RGS20: variants seen among roughly 807,000 people sequenced by gnomAD.
RGS20 encodes gz-selective GTPase-activating protein.
Under a neutral mutation model 33.6 loss-of-function variants are expected in RGS20, and 30 were observed. The observed-to-expected ratio is 0.89, with a 90% confidence interval of 0.67 to 1.21. The LOEUF is 1.21. Among genes scored for constraint, RGS20 ranks in the 50% most tolerant of loss-of-function variants. The pLI is 0.00. For synonymous variants in RGS20, 208 were observed against 197.9 expected (o/e 1.05, Z -0.43); for missense variants, 472 against 502.4 (o/e 0.94, Z 0.58).
At chr8:53,854,365 C>T (rs1811629435) in intron 1 of RGS20, among the ~76,000 whole-genome samples, 1 of 151,872 alleles carries the variant, frequency 6.6e-6, no homozygotes, top group Non-Finnish European at 1.5e-5. Context: ...GAATAATTCT[C>T]AAAACTCAAA....
At chr8:53,941,890 G>A (rs915551511) in intron 3 of RGS20, among the ~76,000 whole-genome samples, 8 of 152,058 alleles carry the variant, frequency 5.3e-5, no homozygotes, top group African/African-American at 1.9e-4. Context: ...GGCAAACCAG[G>A]AAAATTGGTC....
rs1211346756 is a variant in RGS20 at position 53,914,137 on chromosome 8, C to T, written c.511-25439C>T. On this transcript the variant is annotated intron_variant, in intron 2 of 5. Coordinates refer to ENST00000297313, the MANE Select transcript of RGS20 (RefSeq NM_170587.4). ...CCTCAAACTTCTGGGCTAAAGTGAT[C>T]CTCCTGCCTCAGCCTACTGAGTAAC... Among the ~76,000 whole-genome samples, 14 of 150,162 alleles carry T rather than the reference C, an allele frequency of 9.3e-5. No individual in the cohort carries two copies. In the South Asian group the frequency reaches 3.0e-3, roughly 32 times the overall value.
rs116402098 is a variant in RGS20 at position 53,906,107 on chromosome 8, C to T, written c.510+26505C>T. Among the ~76,000 whole-genome samples, 200 of 152,260 alleles carry T rather than the reference C, an allele frequency of 1.3e-3. 1 individual carries two copies. Among genetic ancestry groups the T allele is most frequent in the African/African-American group, 4.8e-3 (198 of 41,564 alleles). ...AACTTTAAGACCAAGTATTTAAGAC[C>T]AGAGGATCCTACAAAAAACTCACTC... On this transcript the variant is annotated intron_variant, in intron 2 of 5. Coordinates refer to ENST00000297313, the MANE Select transcript of RGS20 (RefSeq NM_170587.4).
At chr8:53,873,634 A>T (rs1372978112) in intron 1 of RGS20, among the ~76,000 whole-genome samples, 2 of 152,226 alleles carry the variant, frequency 1.3e-5, no homozygotes, top group African/African-American at 4.8e-5. Flanking sequence ...ACAAATATTA[A>T]TTGAGTAGTT....
At chr8:53,872,024 G>C (rs1812084667) in intron 1 of RGS20, among the ~76,000 whole-genome samples, 1 of 151,786 alleles carries the variant, frequency 6.6e-6, no homozygotes, top group African/African-American at 2.4e-5. Flanking sequence ...TCAAAAATCT[G>C]TCTTTAGCAG....
chr8:53,870,977 G>T (rs899604444), intron 1 of RGS20, among the ~76,000 whole-genome samples: 1 of 151,542 alleles, frequency 6.6e-6, no homozygotes, highest in Admixed American at 6.6e-5. Context: ...CAGGTGTGGC[G>T]GCAGGAGCCT....
chr8:53,879,344 G>A lies in RGS20; in HGVS notation c.252G>A (p.Arg84=), dbSNP rs1458323475. 1 of 1,612,516 alleles carries A rather than the reference G, an allele frequency of 6.2e-7. No individual in the cohort carries two copies. The highest frequency in any genetic ancestry group is 1.7e-5 in the Admixed American group (1 of 59,998). Residue 84 remains arginine, a synonymous_variant, in exon 2 of 6, where the codon AGG becomes AGA. Coordinates refer to ENST00000297313, the MANE Select transcript of RGS20 (RefSeq NM_170587.4). ...CTAGCCCGCTTTCCAGCCTCGCAAG[G>A]TTCTTCTCTCACCTTCTCCGGCGAC...
At chr8:53,933,297 GT>G in intron 2 of RGS20, among the ~76,000 whole-genome samples, 1 of 152,194 alleles carries the variant, frequency 6.6e-6, no homozygotes, top group Non-Finnish European at 1.5e-5. Flanking sequence ...CAGAAGGTAG[GT>G]AATAAACTCC....
chr8:53,873,962 G>T (rs1431099346), intron 1 of RGS20, among the ~76,000 whole-genome samples: 1 of 152,260 alleles, frequency 6.6e-6, no homozygotes, highest in Admixed American at 6.5e-5. Context: ...CCTTTAGGAG[G>T]CCGAGGAGAG....
At chr8:53,894,133 A>C (rs1392404557) in intron 2 of RGS20, among the ~76,000 whole-genome samples, 1 of 152,174 alleles carries the variant, frequency 6.6e-6, no homozygotes, top group Non-Finnish European at 1.5e-5. Context: ...CCAATACGTT[A>C]GTATGGAGGT....
intron 1 of RGS20, among the ~76,000 whole-genome samples, chr8:53,868,913 T>C (rs55799464): frequency 6.6e-6 from 1 of 152,102 alleles, no homozygotes; most frequent in Non-Finnish European, 1.5e-5. Context: ...CCACCACGCC[T>C]GGCTAATTTC....
At chr8:53,957,124 A>ATTTTG (rs112718843) in intron 5 of RGS20, among the ~76,000 whole-genome samples, 7,536 of 151,972 alleles carry the variant, frequency 0.05, 369 homozygotes, top group African/African-American at 0.13. Context: ...ACAGGGATGG[A>ATTTTG]TTTTGTTTTG....
At chr8:53,916,763 C>T (rs11992921) in intron 2 of RGS20, among the ~76,000 whole-genome samples, 9,896 of 152,082 alleles carry the variant, frequency 0.065, 871 homozygotes, top group African/African-American at 0.2. Context: ...GTGGCTCAAA[C>T]GACCAAATTT....
intron 2 of RGS20, among the ~76,000 whole-genome samples, chr8:53,887,796 G>C (rs1812591927): frequency 1.3e-5 from 2 of 152,112 alleles, no homozygotes; most frequent in African/African-American, 2.4e-5. Context: ...GGGCAACATA[G>C]TGAAACCCCG....
chr8:53,885,237 T>C (rs1400210041), intron 2 of RGS20, among the ~76,000 whole-genome samples: 1 of 152,250 alleles, frequency 6.6e-6, no homozygotes, highest in Non-Finnish European at 1.5e-5. Context: ...TTTCCGCATG[T>C]GGGCATCTAA....
At chr8:53,904,211 A>G (rs943220959) in intron 2 of RGS20, among the ~76,000 whole-genome samples, 2 of 150,884 alleles carry the variant, frequency 1.3e-5, no homozygotes, top group African/African-American at 4.9e-5. Context: ...CAACCTCCGC[A>G]TCCCAGGTTC....
chr8:53,923,687 C>A lies in RGS20; in HGVS notation c.511-15889C>A, dbSNP rs575065307. 2.6e-5 allele frequency among the ~76,000 whole-genome samples: 4 copies of A among 152,278 alleles called. No homozygotes were observed. The South Asian group carries it at 8.3e-4, about 32-fold the overall frequency. On this transcript the variant is annotated intron_variant, in intron 2 of 5. Coordinates refer to ENST00000297313, the MANE Select transcript of RGS20 (RefSeq NM_170587.4). ...ATTTTGCTGGAGAGAGGGTCTACGTCCCTCACGTAGCCATTCGGGAACCAA... is the reference window on the plus strand; with the variant it reads ...ATTTTGCTGGAGAGAGGGTCTACGTACCTCACGTAGCCATTCGGGAACCAA...
intron 2 of RGS20, among the ~76,000 whole-genome samples, chr8:53,907,587 G>GAAA (rs35788143): frequency 2.1e-5 from 3 of 144,446 alleles, no homozygotes; most frequent in African/African-American, 7.5e-5. Flanking sequence ...TCCATCTCAG[G>GAAA]AAAAAAAAAA....
intron 2 of RGS20, among the ~76,000 whole-genome samples, chr8:53,903,916 A>G (rs1813097231): frequency 6.6e-6 from 1 of 152,124 alleles, no homozygotes; most frequent in Non-Finnish European, 1.5e-5. Flanking sequence ...CAGACCTGAG[A>G]TGTTAACTAG....
Sources: gnomAD v4.1 joint callset for allele counts (sites outside exome capture counted in the v4.1 genomes callset) on GRCh38, gnomAD v4.1.1 for gene constraint, MANE v1.5 for transcripts, NCBI Gene and HGNC (gene_info 2026-07-23, HGNC 2026-07-21) for gene names.